The following PDCD6IP variants were observed in gnomAD, a reference collection of about 807,000 sequenced individuals.
PDCD6IP encodes programmed cell death 6-interacting protein.
A neutral mutation model predicts 103.7 loss-of-function variants in PDCD6IP; 43 were observed. The observed-to-expected ratio is 0.41, with a 90% CI of 0.32 to 0.53. The LOEUF is 0.53. PDCD6IP is among the 20% of genes least tolerant of loss of function. The pLI, the probability that PDCD6IP is intolerant of heterozygous loss-of-function variation, is 0.16. For missense variants in PDCD6IP, 871 were observed against 1,036.7 expected (o/e 0.84, Z 2.20); for synonymous variants, 354 against 378.7 (o/e 0.93, Z 0.76).
intron 6 of PDCD6IP, chr3:33,826,849 T>G: frequency 8.2e-7 from 1 of 1,215,310 alleles, no homozygotes; most frequent in South Asian, 1.9e-5. Flanking sequence ...CCATCTGTTT[T>G]CAATACTTTT....
At chr3:33,849,165 C>T (rs1697661028) in intron 12 of PDCD6IP, among the ~76,000 whole-genome samples, 5 of 152,344 alleles carry the variant, frequency 3.3e-5, no homozygotes, top group Middle Eastern at 3.4e-3. Context: ...TGATGCCATT[C>T]CTGCCATTCT....
At chr3:33,803,609 C>T (rs1436563861) in intron 1 of PDCD6IP, among the ~76,000 whole-genome samples, 1 of 152,166 alleles carries the variant, frequency 6.6e-6, no homozygotes, top group Non-Finnish European at 1.5e-5. Context: ...TCTTTTGTCA[C>T]ATGGAAGTTC....
intron 4 of PDCD6IP, among the ~76,000 whole-genome samples, chr3:33,823,120 A>T (rs941823015): frequency 6.6e-6 from 1 of 152,206 alleles, no homozygotes; most frequent in African/African-American, 2.4e-5. Flanking sequence ...AAACCTTGTG[A>T]TGTATGTCAT....
At chr3:33,837,779 G>A (rs1697383260) in intron 8 of PDCD6IP, among the ~76,000 whole-genome samples, 1 of 152,062 alleles carries the variant, frequency 6.6e-6, no homozygotes, top group South Asian at 2.1e-4. Context: ...GTAGAGATGG[G>A]GTTTTGCCAA....
At chr3:33,844,011 C>A (rs905336584) in intron 10 of PDCD6IP, 101 bp from the exon 11 acceptor site, 2 of 681,816 alleles carry the variant, frequency 2.9e-6, no homozygotes, top group African/African-American at 1.9e-5. Context: ...ATTCCCATCT[C>A]ACCAAATTCT....
chr3:33,801,634 A>G (rs1175280779), intron 1 of PDCD6IP, among the ~76,000 whole-genome samples: 1 of 152,090 alleles, frequency 6.6e-6, no homozygotes, highest in Non-Finnish European at 1.5e-5. Flanking sequence ...AAACAAAACA[A>G]AACAACAACA....
At chr3:33,822,288 C>G (rs551897717) in intron 4 of PDCD6IP, among the ~76,000 whole-genome samples, 1 of 151,998 alleles carries the variant, frequency 6.6e-6, no homozygotes, top group South Asian at 2.1e-4. Context: ...TGTTTTATAC[C>G]GAGCACCTAG....
chr3:33,823,908 A>T (rs969327824), intron 4 of PDCD6IP, among the ~76,000 whole-genome samples: 2 of 152,244 alleles, frequency 1.3e-5, no homozygotes, highest in African/African-American at 4.8e-5. Context: ...TGAAAGAAAC[A>T]TTCCATTCTG....
chr3:33,826,744 G>A, intron 6 of PDCD6IP, 164 bp downstream of exon 6: 3 of 1,345,302 alleles, frequency 2.2e-6, no homozygotes, highest in Non-Finnish European at 2.9e-6. Flanking sequence ...AATTTAAGAT[G>A]CATGAACAAT....
chr3:33,862,760 A>G (rs532511489), intron 15 of PDCD6IP, among the ~76,000 whole-genome samples: 1 of 152,318 alleles, frequency 6.6e-6, no homozygotes, highest in East Asian at 1.9e-4. Context: ...TGATATAGTG[A>G]TTAAAACATT....
chr3:33,860,350 A>G (rs1208206194), intron 15 of PDCD6IP, among the ~76,000 whole-genome samples: 1 of 152,328 alleles, frequency 6.6e-6, no homozygotes, highest in African/African-American at 2.4e-5. Context: ...ATTTTGTTAA[A>G]GTCGTTGTTA....
intron 6 of PDCD6IP, among the ~76,000 whole-genome samples, chr3:33,828,115 G>A (rs1219762847): frequency 6.6e-6 from 1 of 152,050 alleles, no homozygotes; most frequent in Admixed American, 6.6e-5. Flanking sequence ...TAGTATAATT[G>A]CTTTCCTGCT....
chr3:33,828,727 A>T, intron 6 of PDCD6IP, 126 bp from the exon 7 acceptor site: 1 of 890,894 alleles, frequency 1.1e-6, no homozygotes, highest in Non-Finnish European at 1.7e-6. Flanking sequence ...GACTAACCTT[A>T]ATCTCTAAAC....
chr3:33,827,261 T>G (rs1697147811), intron 6 of PDCD6IP: 1 of 913,376 alleles, frequency 1.1e-6, no homozygotes, highest in Non-Finnish European at 1.3e-6. Context: ...AACTTAAAGA[T>G]TGAGTGAAAT....
In PDCD6IP at chr3:33,863,990, C is replaced by G. The variant is rs1327288311; in HGVS notation, c.2121-16C>G. On this transcript the variant is annotated splice_polypyrimidine_tract_variant and intron_variant, in intron 15 of 17. Coordinates refer to ENST00000307296, the MANE Select transcript of PDCD6IP (RefSeq NM_013374.6). ...TTTTCTATCATGTTAATTTTTAACA[C>G]TCTGTCTTTGATAAGGGACTTGCAA... The G allele has an allele frequency of 6.4e-7, 1 of 1,574,336 alleles. No homozygotes were observed. Among genetic ancestry groups the G allele is most frequent in the Admixed American group, 1.7e-5 (1 of 58,850 alleles).
chr3:33,813,451 T>G, intron 2 of PDCD6IP, 108 bp from the exon 3 acceptor site: 1 of 693,210 alleles, frequency 1.4e-6, no homozygotes, highest in Admixed American at 2.6e-5. Flanking sequence ...GATAATATTT[T>G]GAGCTTTTGT....
At chr3:33,826,990 A>G in intron 6 of PDCD6IP, 3 of 991,806 alleles carry the variant, frequency 3.0e-6, no homozygotes, top group South Asian at 9.1e-5. Flanking sequence ...AAGCGCAAAA[A>G]CAGACATAAA....
chr3:33,807,863 G>A (rs142835395), intron 1 of PDCD6IP, among the ~76,000 whole-genome samples: 11 of 152,312 alleles, frequency 7.2e-5, no homozygotes, highest in Admixed American at 3.9e-4. Context: ...GAATATCACT[G>A]TTCAGAAAAA....
At position 33,798,808 on chromosome 3, in the gene PDCD6IP, A is replaced by T; in HGVS notation, c.80A>T (p.Gln27Leu). 1.3e-6 allele frequency: 2 copies of T among 1,568,872 alleles called. No individual in the cohort carries two copies. The highest frequency in any genetic ancestry group is 1.7e-6 in the Non-Finnish European group (2 of 1,157,236). The change falls in exon 1 of 18, where the codon CAG (glutamine) becomes CTG (leucine). Residue 27 changes from glutamine (Q) to leucine (L), a missense_variant. Gln to Leu is a moderately radical substitution (Grantham distance 113, BLOSUM62 -2). This residue lies in a region of PDCD6IP where 114 missense variants were observed against 106.7 expected (regional missense o/e 1.07). Coordinates refer to ENST00000307296, the MANE Select transcript of PDCD6IP (RefSeq NM_013374.6). ...LAKPLVKFIQ[Q>L]TYPSGGEEQA... ...AAGCCGCTGGTGAAGTTCATCCAGC[A>T]GACTTACCCAAGCGGCGGGGAAGAG...
Sources: gnomAD v4.1 joint callset for allele counts (sites outside exome capture counted in the v4.1 genomes callset) on GRCh38, gnomAD v4.1.1 for gene constraint, gnomAD v4.1.1 regional missense constraint, MANE v1.5 for transcripts, NCBI Gene and HGNC (gene_info 2026-07-23, HGNC 2026-07-21) for gene names.